The following IL1RAPL2 variants were observed in gnomAD, a reference collection of about 807,000 sequenced individuals.
The protein encoded by IL1RAPL2 is X-linked interleukin-1 receptor accessory protein-like 2.
A neutral mutation model predicts 44.1 loss-of-function variants in IL1RAPL2; 3 were observed. That is an observed-to-expected ratio of 0.07 (90% CI 0.03 to 0.18). The LOEUF (loss-of-function observed/expected upper bound fraction) is 0.18. Ranked by LOEUF, IL1RAPL2 falls within the 10% of genes least tolerant of loss-of-function variation. The pLI is 1.00. For synonymous variants in IL1RAPL2, 181 were observed against 178.8 expected, an observed-to-expected ratio of 1.01 and a Z score of -0.10; for missense variants, 391 against 496.4, an observed-to-expected ratio of 0.79 and a Z score of 2.02.
chrX:104,848,176 A>G (rs1201106766), intron 2 of IL1RAPL2, among the ~76,000 whole-genome samples: 15 of 109,476 alleles, frequency 1.4e-4, no homozygotes, highest in Non-Finnish European at 5.7e-5. Context: ...CTAATTGAAT[A>G]CCCTTTATTT....
chrX:104,904,197 C>T, intron 2 of IL1RAPL2, among the ~76,000 whole-genome samples: 1 of 108,404 alleles, frequency 9.2e-6, no homozygotes, highest in Non-Finnish European at 1.9e-5. Context: ...GATAGCTCTG[C>T]TCTAACATGG....
intron 2 of IL1RAPL2, among the ~76,000 whole-genome samples, chrX:104,706,048 CA>C (rs1931359132): frequency 9.0e-6 from 1 of 111,181 alleles, no homozygotes; most frequent in Non-Finnish European, 1.9e-5. Context: ...GCTATAAGAA[CA>C]AAGTCAAGAA....
intron 2 of IL1RAPL2, among the ~76,000 whole-genome samples, chrX:104,893,158 T>A (rs1358225848): frequency 8.9e-6 from 1 of 111,912 alleles, no homozygotes; most frequent in Non-Finnish European, 1.9e-5. Flanking sequence ...TGAGAGACAG[T>A]TTGTTATAAT....
chrX:105,746,657 C>T (rs2038545410), intron 8 of IL1RAPL2, among the ~76,000 whole-genome samples: 1 of 111,666 alleles, frequency 9.0e-6, no homozygotes. Flanking sequence ...GTACTTTTTT[C>T]ACCATGGTTT....
rs142260294 is a variant in IL1RAPL2, at chrX:105,166,155, C to T, written c.83-29320C>T. Reference sequence around the variant, plus strand: ...GTAAAGTCCTTAGAATAGTACCTGGCGCATGGTAAGCCCATTGTATTATCT... The same window carrying T: ...GTAAAGTCCTTAGAATAGTACCTGGTGCATGGTAAGCCCATTGTATTATCT... On this transcript the variant is annotated intron_variant, in intron 2 of 10. Coordinates refer to ENST00000372582, the MANE Select transcript of IL1RAPL2 (RefSeq NM_017416.2). Among the ~76,000 whole-genome samples the T allele has an allele frequency of 8.5e-3, 941 of 111,111 alleles. 11 individuals are homozygous for T. The highest frequency in any genetic ancestry group is 0.029 in the African/African-American group (895 of 30,579).
chrX:105,078,438 C>T (rs1443490959), intron 2 of IL1RAPL2, among the ~76,000 whole-genome samples: 2 of 111,307 alleles, frequency 1.8e-5, no homozygotes, highest in Non-Finnish European at 3.8e-5. Context: ...TGTCAGTCCG[C>T]CCCTACTTGG....
chrX:104,988,036 G>A (rs778416714), intron 2 of IL1RAPL2, among the ~76,000 whole-genome samples: 6 of 112,159 alleles, frequency 5.3e-5, no homozygotes, highest in Non-Finnish European at 1.1e-4. Context: ...GCTCTTAAAG[G>A]TTTGGGAAAG....
chrX:105,209,019 T>A lies in IL1RAPL2; in HGVS notation c.356+13271T>A, dbSNP rs148167809. 6.4e-3 allele frequency among the ~76,000 whole-genome samples: 721 copies of A among 111,897 alleles called. 7 individuals are homozygous for A. The highest frequency in any genetic ancestry group is 0.022 in the African/African-American group (691 of 30,792). ...TTTTCATTTTGCTCACATGAATCTT[T>A]TTTTAGTATATTGTTTTACCAATAG... On this transcript the variant is annotated intron_variant, in intron 3 of 10. Transcript: ENST00000372582.
At chrX:105,153,341 T>C (rs1468611767) in intron 2 of IL1RAPL2, among the ~76,000 whole-genome samples, 1 of 112,313 alleles carries the variant, frequency 8.9e-6, no homozygotes, top group Non-Finnish European at 1.9e-5. Flanking sequence ...AGGTAGACAT[T>C]GTTTTCATTA....
chrX:105,630,549 C>T (rs1284632055), intron 6 of IL1RAPL2, among the ~76,000 whole-genome samples: 4 of 99,418 alleles, frequency 4.0e-5, no homozygotes, highest in African/African-American at 1.5e-4. Context: ...ATATAATTAT[C>T]AGAGTTATGT....
chrX:105,309,510 T>C (rs1487238315), intron 5 of IL1RAPL2, among the ~76,000 whole-genome samples: 1 of 107,859 alleles, frequency 9.3e-6, no homozygotes, highest in Non-Finnish European at 1.9e-5. Context: ...GGTGGGCAGA[T>C]TACCTGAGGT....
chrX:105,148,438 T>C (rs1310113752), intron 2 of IL1RAPL2, among the ~76,000 whole-genome samples: 1 of 112,109 alleles, frequency 8.9e-6, no homozygotes, highest in Admixed American at 9.5e-5. Context: ...GAATTTGTCA[T>C]GTAGTAGATT....
intron 2 of IL1RAPL2, among the ~76,000 whole-genome samples, chrX:104,950,512 C>G (rs766543512): frequency 2.7e-5 from 3 of 112,359 alleles, no homozygotes; most frequent in Non-Finnish European, 3.8e-5. Context: ...TTTCGAGCTT[C>G]GGGGCTGCTT....
At chrX:105,765,374 C>A (rs971725255) in intron 10 of IL1RAPL2, 5 of 112,149 alleles carry the variant, frequency 4.5e-5, no homozygotes, top group African/African-American at 1.6e-4. Flanking sequence ...GTGATAACTT[C>A]TCAATTACTA....
Position 104,864,644 on chromosome X carries a change from T to G in IL1RAPL2, c.82+205649T>G, listed in dbSNP as rs961590204. On this transcript the variant is annotated intron_variant, in intron 2 of 10. Coordinates refer to ENST00000372582, the MANE Select transcript of IL1RAPL2 (RefSeq NM_017416.2). Reference sequence around the variant, plus strand: ...GAGTTGGTGGACTGGGAGAGGCAGATCCTCCCCCAATCTGGGTGGGCACCA... The same window carrying G: ...GAGTTGGTGGACTGGGAGAGGCAGAGCCTCCCCCAATCTGGGTGGGCACCA... 2.7e-5 allele frequency among the ~76,000 whole-genome samples: 3 copies of G among 111,432 alleles called. No homozygotes were observed. The Admixed American group carries it at 2.9e-4, about 11-fold the overall frequency.
At chrX:105,207,415 G>A (rs782034031) in intron 3 of IL1RAPL2, among the ~76,000 whole-genome samples, 4 of 111,473 alleles carry the variant, frequency 3.6e-5, no homozygotes, top group African/African-American at 1.3e-4. Flanking sequence ...TAGATTTAAC[G>A]TAGTCCCTTG....
In IL1RAPL2 at chrX:105,654,762, T is replaced by G. The variant is rs190207203; in HGVS notation, c.773-62605T>G. On this transcript the variant is annotated intron_variant, in intron 6 of 10. Coordinates refer to ENST00000372582, the MANE Select transcript of IL1RAPL2 (RefSeq NM_017416.2). ...TTTCTGGCATTTATTGACTTCCTGT[T>G]TTAGAATAGTTTCCCTTCTTTGCTT... 1.9e-3 allele frequency among the ~76,000 whole-genome samples: 212 copies of G among 111,875 alleles called. 2 individuals are homozygous for G. The highest frequency in any genetic ancestry group is 6.6e-3 in the African/African-American group (203 of 30,853).
intron 6 of IL1RAPL2, among the ~76,000 whole-genome samples, chrX:105,514,760 T>C (rs1170767022): frequency 9.0e-6 from 1 of 111,545 alleles, no homozygotes; most frequent in Non-Finnish European, 1.9e-5. Flanking sequence ...AATAGAGGTT[T>C]TGCTTTACAG....
chrX:104,977,776 C>T (rs1212836820), intron 2 of IL1RAPL2, among the ~76,000 whole-genome samples: 1 of 112,189 alleles, frequency 8.9e-6, no homozygotes, highest in Non-Finnish European at 1.9e-5. Context: ...CAGGGTTATC[C>T]CATTGGCAGT....
Sources: allele counts gnomAD v4.1 joint callset (sites outside exome capture counted in the v4.1 genomes callset), GRCh38; gene constraint gnomAD v4.1.1; transcripts MANE v1.5; gene names NCBI Gene and HGNC (gene_info 2026-07-23, HGNC 2026-07-21).